Variants in ATP6V0D1 observed in about 807,000 individuals in gnomAD.
The protein encoded by ATP6V0D1 is V-type proton ATPase subunit d 1.
A neutral mutation model predicts 39.0 loss-of-function variants in ATP6V0D1; 13 were observed. The observed-to-expected ratio is 0.33, with a 90% CI of 0.22 to 0.53. ATP6V0D1 has a LOEUF of 0.53. ATP6V0D1 is among the 20% of genes least tolerant of loss of function. The pLI is 0.94. For synonymous variants in ATP6V0D1, 191 were observed against 191.2 expected (o/e 1.00, Z 0.01); for missense variants, 272 against 470.9 (o/e 0.58, Z 3.91).
rs556262293 is a variant in ATP6V0D1, at chr16:67,460,284, G to A, written c.131-6569C>T. 2.6e-5 allele frequency among the ~76,000 whole-genome samples: 4 copies of A among 152,320 alleles called. No homozygotes were observed. The South Asian group carries it at 8.3e-4, about 32-fold the overall frequency. ...AAAACTCAGACAGATGGACCAATGT[G>A]GACAGATGGCCAGGCTGGTGGCCCA... On this transcript the variant is annotated intron_variant, in intron 1 of 7. Coordinates refer to ENST00000290949, the MANE Select transcript of ATP6V0D1 (RefSeq NM_004691.5).
chr16:67,478,175 G>A (rs1035847318), intron 1 of ATP6V0D1, among the ~76,000 whole-genome samples: 7 of 152,156 alleles, frequency 4.6e-5, no homozygotes, highest in African/African-American at 1.2e-4. Flanking sequence ...CCCAAGGCCC[G>A]GAGGTGTTAA....
rs1170852036 is a variant in ATP6V0D1 at position 67,439,283 on chromosome 16, G to A, written c.630C>T (p.Pro210=). The A allele has an allele frequency of 1.2e-6, 2 of 1,614,016 alleles. No homozygotes were observed. The highest frequency in any genetic ancestry group is 2.7e-5 in the African/African-American group (2 of 74,930). ...GCGGGCAGGCACTCACCTCCAGGAT[G>A]GGGCACATGGCATCAGCCGTAGTCC... is the stretch of plus-strand genomic sequence containing the variant. ...LGGTTADAMC[P]ILEFEADRRA... is the part of the protein sequence containing the mutation. The change falls in exon 5 of 8, where the codon CCC becomes CCT. Residue 210 remains proline, a synonymous_variant. Coordinates refer to ENST00000290949, the MANE Select transcript of ATP6V0D1 (RefSeq NM_004691.5).
intron 1 of ATP6V0D1, among the ~76,000 whole-genome samples, chr16:67,469,303 T>G (rs2041354294): frequency 6.6e-6 from 1 of 151,962 alleles, no homozygotes; most frequent in Admixed American, 6.6e-5. Context: ...GCAAGACTCC[T>G]TCTCAAAATA....
At position 67,453,327 on chromosome 16, in the gene ATP6V0D1, G is replaced by A. The variant is rs2041202654; in HGVS notation, c.302+217C>T. 6.6e-6 allele frequency among the ~76,000 whole-genome samples: 1 copy of A among 152,194 alleles called. No individual in the cohort carries two copies. Among genetic ancestry groups the A allele is most frequent in the Non-Finnish European group, 1.5e-5 (1 of 68,036 alleles). On this transcript the variant is annotated intron_variant, in intron 2 of 7. Coordinates refer to ENST00000290949, the MANE Select transcript of ATP6V0D1 (RefSeq NM_004691.5). This position sits in a 1 kb window ranked among gnomAD's most constrained non-coding sequence, Gnocchi z 4.1. ...GTGCTGGTGACCCATTTCATAGGTG[G>A]TGGCCTGGAAGTCCAGGGTTGTTGA...
Position 67,453,514 on chromosome 16 carries a change from A to T in ATP6V0D1, c.302+30T>A. 6.2e-7 allele frequency: 1 copy of T among 1,611,068 alleles called. No individual in the cohort carries two copies. Among genetic ancestry groups the T allele is most frequent in the Non-Finnish European group, 8.5e-7 (1 of 1,177,828 alleles). On this transcript the variant is annotated intron_variant, in intron 2 of 7. Transcript: ENST00000290949. The surrounding 1 kb of genome is among the most constrained non-coding windows in gnomAD (Gnocchi z 4.1). The stretch of plus-strand genomic sequence containing the variant: ...CAGGTGTAGCTATCCTGCCCAGGTA[A>T]GAGAAGAAGGCGCTACAAAGCACAC...
intron 1 of ATP6V0D1, chr16:67,459,283 T>C (rs552548003): frequency 3.0e-6 from 3 of 985,188 alleles, no homozygotes; most frequent in Non-Finnish European, 3.6e-6. Flanking sequence ...ACCCCCAGCC[T>C]GGAAAGTGAG....
intron 1 of ATP6V0D1, among the ~76,000 whole-genome samples, chr16:67,473,226 G>GT (rs2041388868): frequency 1.3e-5 from 2 of 152,084 alleles, no homozygotes; most frequent in South Asian, 4.1e-4. Flanking sequence ...GGGCTGGGGG[G>GT]GGTGGCGCAG....
intron 1 of ATP6V0D1, among the ~76,000 whole-genome samples, chr16:67,461,579 C>T (rs2041289561): frequency 6.6e-6 from 1 of 152,242 alleles, no homozygotes; most frequent in African/African-American, 2.4e-5. Flanking sequence ...CTCCTGCTGG[C>T]ACGGTCACAT....
chr16:67,460,448 G>A (rs1260696998), intron 1 of ATP6V0D1, among the ~76,000 whole-genome samples: 2 of 152,030 alleles, frequency 1.3e-5, no homozygotes, highest in African/African-American at 4.8e-5. Context: ...GGATCTGCAG[G>A]GTCAGAGCAC....
intron 1 of ATP6V0D1, among the ~76,000 whole-genome samples, chr16:67,474,750 G>A (rs1413292896): frequency 6.6e-6 from 1 of 152,184 alleles, no homozygotes; most frequent in Non-Finnish European, 1.5e-5. Flanking sequence ...GCTCAGAACT[G>A]TCACACCTGA....
chr16:67,470,605 C>T (rs904047103), intron 1 of ATP6V0D1, among the ~76,000 whole-genome samples: 2 of 152,282 alleles, frequency 1.3e-5, no homozygotes, highest in South Asian at 4.1e-4. Context: ...GATGGCCTGG[C>T]GCGGGCCTAA....
At chr16:67,457,670 T>A (rs557094737) in intron 1 of ATP6V0D1, 1 of 1,287,078 alleles carries the variant, frequency 7.8e-7, no homozygotes, top group African/African-American at 1.5e-5. Flanking sequence ...GCCAGGAATG[T>A]GTGCACGTGA....
At chr16:67,450,702 G>C (rs1248709939) in intron 2 of ATP6V0D1, among the ~76,000 whole-genome samples, 1 of 152,274 alleles carries the variant, frequency 6.6e-6, no homozygotes, top group South Asian at 2.1e-4. Flanking sequence ...AAAAGTTTAG[G>C]TCCCACGAGA....
Position 67,438,382 on chromosome 16 carries a change from G to A in ATP6V0D1, c.*146C>T. ...GTCTCTAAGAGGGTCAGGAGAACTG[G>A]GCAGCCGCTAGGACAGCGTACTACA... On this transcript the variant is annotated 3_prime_UTR_variant, in exon 8 of 8. Coordinates refer to ENST00000290949, the MANE Select transcript of ATP6V0D1 (RefSeq NM_004691.5). The A allele has an allele frequency of 1.0e-6, 1 of 970,764 alleles. No homozygotes were observed. Among genetic ancestry groups the A allele is most frequent in the Non-Finnish European group, 1.5e-6 (1 of 660,016 alleles). The allele number at this position is 970,764 out of a possible 1,614,324, so 60.1% of individuals were successfully genotyped here.
intron 2 of ATP6V0D1, among the ~76,000 whole-genome samples, chr16:67,451,297 C>T (rs928549477): frequency 1.3e-5 from 2 of 152,020 alleles, no homozygotes; most frequent in African/African-American, 2.4e-5. Context: ...AAGAGAGCTG[C>T]GGATGTTGGC....
At chr16:67,464,769 T>C (rs893287244) in intron 1 of ATP6V0D1, among the ~76,000 whole-genome samples, 4 of 152,240 alleles carry the variant, frequency 2.6e-5, no homozygotes, top group African/African-American at 4.8e-5. Context: ...CTGAAAACCA[T>C]TGCCTGAGCA....
intron 2 of ATP6V0D1, among the ~76,000 whole-genome samples, chr16:67,450,906 G>C (rs1311551054): frequency 6.6e-6 from 1 of 152,166 alleles, no homozygotes; most frequent in East Asian, 1.9e-4. Flanking sequence ...TTCGGGCGGT[G>C]GGGGGCAGAA....
intron 1 of ATP6V0D1, among the ~76,000 whole-genome samples, chr16:67,459,765 A>G (rs957611719): frequency 6.6e-6 from 1 of 152,106 alleles, no homozygotes; most frequent in East Asian, 1.9e-4. Flanking sequence ...AGGCCTCTGC[A>G]GTTCCTCCCC....
chr16:67,461,483 T>C (rs1462938368), intron 1 of ATP6V0D1, among the ~76,000 whole-genome samples: 1 of 152,046 alleles, frequency 6.6e-6, no homozygotes, highest in East Asian at 1.9e-4. Context: ...CAGGAGCAGG[T>C]AGGAGGTAGT....
Sources: gnomAD v4.1 joint callset for allele counts (sites outside exome capture counted in the v4.1 genomes callset) on GRCh38, gnomAD v4.1.1 for gene constraint, Gnocchi (gnomAD v3.1) non-coding constraint, MANE v1.5 for transcripts, NCBI Gene and HGNC (gene_info 2026-07-23, HGNC 2026-07-21) for gene names.